The following COG4 variants were observed in gnomAD, a reference collection of about 807,000 sequenced individuals.
COG4 encodes component of oligomeric golgi complex 4, also known as conserved oligomeric Golgi complex subunit 4.
In COG4, 65 loss-of-function variants were observed where a neutral mutation model predicts 95.1. That is an observed-to-expected ratio of 0.68 (90% CI 0.56 to 0.84). COG4 has a LOEUF of 0.84. Among genes scored for constraint, COG4 ranks in the 40% least tolerant of loss-of-function variants. The pLI, the probability that COG4 is intolerant of heterozygous loss-of-function variation, is 0.00. For missense variants in COG4, 1,045 were observed against 989.1 expected, an observed-to-expected ratio of 1.06 and a Z score of -0.76; for synonymous variants, 421 against 374.8, an observed-to-expected ratio of 1.12 and a Z score of -1.42.
chr16:70,495,203 C>T (rs983535766), intron 12 of COG4, among the ~76,000 whole-genome samples: 4 of 147,490 alleles, frequency 2.7e-5, no homozygotes, highest in African/African-American at 1.0e-4. Context: ...CCAGCCTGGC[C>T]AACATGGCAA....
At chr16:70,483,777 C>G in intron 14 of COG4, 76 bp downstream of exon 14, 1 of 1,183,734 alleles carries the variant, frequency 8.4e-7, no homozygotes, top group South Asian at 1.2e-5. Context: ...TCCTTGCACA[C>G]GATGAGCCAG....
At chr16:70,482,948 T>A in intron 14 of COG4, 127 bp from the exon 15 acceptor site, 1 of 665,640 alleles carries the variant, frequency 1.5e-6, no homozygotes, top group Non-Finnish European at 2.6e-6. Context: ...ATCCCTTCCT[T>A]CTCTCCTCTC....
At chr16:70,507,509 G>C (rs1446842090) in intron 8 of COG4, among the ~76,000 whole-genome samples, 5 of 152,118 alleles carry the variant, frequency 3.3e-5, no homozygotes, top group Non-Finnish European at 7.3e-5. Context: ...AGTAGGCTAA[G>C]TACACCCTAC....
intron 5 of COG4, 81 bp from the exon 6 acceptor site, chr16:70,510,102 C>G: frequency 8.5e-7 from 1 of 1,171,014 alleles, no homozygotes; most frequent in East Asian, 2.4e-5. Context: ...CAAAAATCCT[C>G]CCATTGACTT....
At chr16:70,481,327 C>T (rs761690684) in intron 18 of COG4, 32 bp downstream of exon 18, 1 of 1,610,758 alleles carries the variant, frequency 6.2e-7, no homozygotes, top group African/African-American at 1.3e-5. Context: ...TCAGTCACCC[C>T]TCCCTGGCTG....
chr16:70,490,914 C>G (rs1380053631), intron 12 of COG4, among the ~76,000 whole-genome samples: 1 of 151,980 alleles, frequency 6.6e-6, no homozygotes, highest in African/African-American at 2.4e-5. Context: ...CCACCTCGGC[C>G]TCCCAAAGTG....
Position 70,481,624 on chromosome 16 carries a change from A to G in COG4, c.2107-137T>C, listed in dbSNP as rs1567719492. The G allele has an allele frequency of 7.0e-6, 10 of 1,427,896 alleles. No homozygotes were observed. The East Asian group carries it at 2.4e-4, about 34-fold the overall frequency. 88.5% of individuals were successfully genotyped at this position (1,427,896 alleles called of 1,614,324 possible). A position where few individuals can be genotyped will look rare whatever the true frequency, so the allele number is the denominator to read the frequency against. Reference sequence around the variant, plus strand: ...TGGTTTGTTTGCTCTACGGCTTCAGAAGCCAGAGCAGGACTGGACCCAGAC... The same window carrying G: ...TGGTTTGTTTGCTCTACGGCTTCAGGAGCCAGAGCAGGACTGGACCCAGAC... On this transcript the variant is annotated intron_variant, in intron 17 of 18. Coordinates refer to ENST00000323786, the MANE Select transcript of COG4 (RefSeq NM_015386.3).
chr16:70,521,348 G>A (rs1241894521), intron 1 of COG4, among the ~76,000 whole-genome samples: 2 of 151,844 alleles, frequency 1.3e-5, no homozygotes, highest in African/African-American at 4.8e-5. Context: ...CTCCCAATTA[G>A]CTGGGATTAT....
chr16:70,509,911 C>T lies in COG4; in HGVS notation c.844+5G>A, dbSNP rs772317398. 2 of 1,610,342 alleles carry T rather than the reference C, an allele frequency of 1.2e-6. No homozygotes were observed. The highest frequency in any genetic ancestry group is 1.7e-6 in the Non-Finnish European group (2 of 1,176,596). On this transcript the variant is annotated splice_donor_5th_base_variant and intron_variant, in intron 6 of 18. Coordinates refer to ENST00000323786, the MANE Select transcript of COG4 (RefSeq NM_015386.3). ...AGTCTCTCTAGAGCGGAGAAAGAGG[C>T]TCACCTTCAAACAGAAGAGTAAGTG...
Position 70,508,434 on chromosome 16 carries a change from T to A in COG4, c.1033A>T (p.Asn345Tyr). 6.2e-7 allele frequency: 1 copy of A among 1,614,182 alleles called. No homozygotes were observed. Among genetic ancestry groups the A allele is most frequent in the Non-Finnish European group, 8.5e-7 (1 of 1,180,018 alleles). ...FRHVQNNLMR[N>Y]STTEKIEPRE... is the part of the protein sequence containing the mutation. The stretch of plus-strand genomic sequence containing the variant: ...GGTTCGATTTTTTCTGTTGTAGAAT[T>A]TCTCATCAGGTTGTTCTGAACATGC... The change falls in exon 8 of 19, where the codon AAT (asparagine) becomes TAT (tyrosine). Residue 345 changes from asparagine to tyrosine, a missense_variant. Asn to Tyr is a moderately radical substitution (Grantham distance 143). Transcript: ENST00000323786.
intron 7 of COG4, chr16:70,508,956 G>A (rs1597681810): frequency 7.3e-6 from 4 of 549,916 alleles, no homozygotes; most frequent in Admixed American, 2.8e-5. Flanking sequence ...TGCACATTTT[G>A]TGATAGAGAA....
At chr16:70,511,638 TAA>T (rs1476917322) in intron 5 of COG4, among the ~76,000 whole-genome samples, 2 of 150,856 alleles carry the variant, frequency 1.3e-5, no homozygotes, top group African/African-American at 4.9e-5. Flanking sequence ...GCTTGAGCTT[TAA>T]GAGTGATTCA....
At position 70,482,177 on chromosome 16, in the gene COG4, T is replaced by C. The variant is rs757285240; in HGVS notation, c.1921-2A>G. 3 of 1,608,000 alleles carry C rather than the reference T, an allele frequency of 1.9e-6. No homozygotes were observed. The highest frequency in any genetic ancestry group is 2.2e-5 in the South Asian group (2 of 90,916). On this transcript the variant is annotated splice_acceptor_variant, in intron 15 of 18. Coordinates refer to ENST00000323786, the MANE Select transcript of COG4 (RefSeq NM_015386.3). LOFTEE classifies it high-confidence loss of function. The stretch of plus-strand genomic sequence containing the variant: ...GGCCTCATAGTCATTGAATTCTTCC[T>C]GTTGTCAGGAAGCAGGGCTGGTCAC...
chr16:70,502,280 CA>C (rs59805765), intron 8 of COG4, among the ~76,000 whole-genome samples: 1,075 of 19,074 alleles, frequency 0.056, 1 homozygote, highest in Non-Finnish European at 0.11. Context: ...GACTCCGTCT[CA>C]AAAAAAAAAA....
At chr16:70,519,802 C>T in intron 1 of COG4, 71 bp from the exon 2 acceptor site, 1 of 1,129,818 alleles carries the variant, frequency 8.9e-7, no homozygotes. Context: ...AATCCAATCA[C>T]TTAGCTGAAG....
At chr16:70,514,604 C>A in intron 3 of COG4, 95 bp from the exon 4 acceptor site, 1 of 1,027,394 alleles carries the variant, frequency 9.7e-7, no homozygotes, top group South Asian at 1.3e-5. Flanking sequence ...TCTGATCAAC[C>A]ATATGTCAAT....
chr16:70,516,300 A>C (rs2049821167), intron 3 of COG4, among the ~76,000 whole-genome samples: 1 of 142,386 alleles, frequency 7.0e-6, no homozygotes, highest in African/African-American at 3.1e-5. Context: ...TGTTGAGTTA[A>C]ATTTTTTTTT....
rs180893542 is a variant in COG4, at chr16:70,499,667, T to G, written c.1195+1291A>C. ...GACTCTGGCATGCCTTTTAAACAATTTATTTATTTTTGAGACAGAGTCTCG... is the reference window on the plus strand; with the variant it reads ...GACTCTGGCATGCCTTTTAAACAATGTATTTATTTTTGAGACAGAGTCTCG... On this transcript the variant is annotated intron_variant, in intron 9 of 18. Coordinates refer to ENST00000323786, the MANE Select transcript of COG4 (RefSeq NM_015386.3). Among the ~76,000 whole-genome samples, 792 of 152,248 alleles carry G rather than the reference T, an allele frequency of 5.2e-3. 8 individuals are homozygous for G. Among genetic ancestry groups the G allele is most frequent in the African/African-American group, 0.018 (738 of 41,546 alleles).
intron 13 of COG4, among the ~76,000 whole-genome samples, chr16:70,487,321 G>T (rs1188767087): frequency 6.6e-6 from 1 of 151,806 alleles, no homozygotes. Context: ...ACAAGGCCAG[G>T]CGAGGTGGTT....
Sources: gnomAD v4.1 joint callset for allele counts (sites outside exome capture counted in the v4.1 genomes callset) on GRCh38, gnomAD v4.1.1 for gene constraint, MANE v1.5 for transcripts, NCBI Gene and HGNC (gene_info 2026-07-23, HGNC 2026-07-21) for gene names.